SREBF2: variants seen among roughly 807,000 people sequenced by gnomAD.
SREBF2 encodes sterol regulatory element binding transcription factor 2.
SREBF2 carries 55 observed loss-of-function variants against 113.1 expected under a neutral mutation model. The observed-to-expected ratio is 0.49, with a 90% CI of 0.39 to 0.61. SREBF2 has a LOEUF of 0.61. Among genes scored for constraint, SREBF2 ranks in the 20% least tolerant of loss-of-function variants. SREBF2 has a pLI of 0.00. For missense variants in SREBF2, 1,349 were observed against 1,487.4 expected (o/e 0.91, Z 1.53); for synonymous variants, 593 against 605.7 (o/e 0.98, Z 0.31).
chr22:41,874,109 G>T (rs765828925), intron 5 of SREBF2, 90 bp downstream of exon 5: 58 of 1,361,848 alleles, frequency 4.3e-5, no homozygotes, highest in Non-Finnish European at 5.9e-5. Flanking sequence ...CCAGGCTCAA[G>T]GTAAGTGAAT....
chr22:41,895,670 G>A (rs1011191951), intron 13 of SREBF2, among the ~76,000 whole-genome samples: 1 of 143,662 alleles, frequency 7.0e-6, no homozygotes. Context: ...TCCTGATCTC[G>A]GGCAATCCGC....
At chr22:41,885,055 T>G in intron 11 of SREBF2, 44 bp downstream of exon 11, 6 of 1,609,160 alleles carry the variant, frequency 3.7e-6, no homozygotes, top group Non-Finnish European at 5.1e-6. Flanking sequence ...CCCTGAGCAC[T>G]TACCTAGCCA....
intron 3 of SREBF2, among the ~76,000 whole-genome samples, chr22:41,870,373 C>G (rs1424916920): frequency 2.0e-5 from 3 of 152,162 alleles, no homozygotes; most frequent in Admixed American, 6.5e-5. Context: ...CCTGTAATCT[C>G]AGCACTTTGG....
intron 1 of SREBF2, among the ~76,000 whole-genome samples, chr22:41,835,591 T>TGAGCCACTGTACCTGGCC (rs2076765327): frequency 6.6e-6 from 1 of 152,020 alleles, no homozygotes; most frequent in Non-Finnish European, 1.5e-5. Context: ...ATTACAGGCA[T>TGAGCCACTGTACCTGGCC]GAGCCACTGT....
At position 41,849,180 on chromosome 22, in the gene SREBF2, A is replaced by ATTAT. The variant is rs561210014; in HGVS notation, c.88+15845_88+15848dup. Among the ~76,000 whole-genome samples the ATTAT allele has an allele frequency of 9.6e-4, 146 of 151,826 alleles. 2 individuals are homozygous for ATTAT. Among genetic ancestry groups the ATTAT allele is most frequent in the Middle Eastern group, 3.4e-3 (1 of 294 alleles). ...CTTTGCATGCAGTCCTGGCAGATTT[A>ATTAT]TTATTTATTTATTTATTTATTTATT... is the stretch of plus-strand genomic sequence containing the variant. On this transcript the variant is annotated intron_variant, in intron 1 of 18. Coordinates refer to ENST00000361204, the MANE Select transcript of SREBF2 (RefSeq NM_004599.4).
intron 1 of SREBF2, among the ~76,000 whole-genome samples, chr22:41,858,627 A>G (rs2076997977): frequency 6.6e-6 from 1 of 151,994 alleles, no homozygotes; most frequent in Non-Finnish European, 1.5e-5. Context: ...GTGTGCCTGT[A>G]CTCCCAGCTA....
chr22:41,899,976 C>T, intron 15 of SREBF2: 1 of 1,207,434 alleles, frequency 8.3e-7, no homozygotes, highest in South Asian at 1.7e-5. Flanking sequence ...GGGGGGTGGT[C>T]CCTTAAAGAA....
Position 41,905,888 on chromosome 22 carries a change from A to G in SREBF2, c.*228A>G. Reference sequence around the variant, plus strand: ...GGCGTGAGAGGATAGGTGGCAGGGCAGAAACTGGGCAGCCCTGACTTGATA... The same window carrying G: ...GGCGTGAGAGGATAGGTGGCAGGGCGGAAACTGGGCAGCCCTGACTTGATA... On this transcript the variant is annotated 3_prime_UTR_variant, in exon 19 of 19. Coordinates refer to ENST00000361204, the MANE Select transcript of SREBF2 (RefSeq NM_004599.4). The G allele has an allele frequency of 1.4e-6, 1 of 694,590 alleles. No homozygotes were observed. Among genetic ancestry groups the G allele is most frequent in the East Asian group, 2.8e-5 (1 of 36,174 alleles). 43.0% of individuals were successfully genotyped at this position (694,590 alleles called of 1,614,324 possible).
chr22:41,873,778 T>C lies in SREBF2; in HGVS notation c.868-20T>C. The C allele has an allele frequency of 1.3e-6, 2 of 1,583,736 alleles. No homozygotes were observed. The highest frequency in any genetic ancestry group is 1.7e-6 in the Non-Finnish European group (2 of 1,163,644). On this transcript the variant is annotated intron_variant, in intron 4 of 18. Transcript: ENST00000361204. Reference sequence around the variant, plus strand: ...GACTAACAAAGGGATCATTCTGCTGTGTACCTGTCCCTATTCTAGACCCTG... The same window carrying C: ...GACTAACAAAGGGATCATTCTGCTGCGTACCTGTCCCTATTCTAGACCCTG...
At position 41,871,021 on chromosome 22, in the gene SREBF2, G is replaced by T. The variant is rs201466956; in HGVS notation, c.853G>T (p.Ala285Ser). 3.2e-4 allele frequency: 511 copies of T among 1,613,888 alleles called. No individual in the cohort carries two copies. Among genetic ancestry groups the T allele is most frequent in the Non-Finnish European group, 3.7e-4 (438 of 1,180,020 alleles). The change falls in exon 4 of 19, where the codon GCC becomes TCC. Residue 285 changes from alanine to serine, a missense_variant. This residue lies in a region of SREBF2 where 699 missense variants were observed against 843.3 expected (regional missense o/e 0.83). Coordinates refer to ENST00000361204, the MANE Select transcript of SREBF2 (RefSeq NM_004599.4). ...CCTCACCACCCCTATCCAGACGGCT[G>T]CCCTTCAAGTACCAGTAAGAGCTGC... ...TALTTPIQTA[A>S]LQVPTLVGSS... is the part of the protein sequence containing the mutation.
rs2077171597 is a variant in SREBF2, at chr22:41,874,163, G to A, written c.1089+144G>A. 5 of 816,714 alleles carry A rather than the reference G, an allele frequency of 6.1e-6. No homozygotes were observed. In the East Asian group the frequency reaches 1.3e-4, roughly 22 times the overall value. 50.6% of individuals were successfully genotyped at this position (816,714 alleles called of 1,614,324 possible). A position where few individuals can be genotyped will look rare whatever the true frequency, so the allele number is the denominator to read the frequency against. ...TGCTTTTTTATTAAAGCATCTTGGT[G>A]TCATGTCAAGATTATAAAATATTAA... On this transcript the variant is annotated intron_variant, in intron 5 of 18. Coordinates refer to ENST00000361204, the MANE Select transcript of SREBF2 (RefSeq NM_004599.4).
At chr22:41,887,838 A>G (rs1463218697) in intron 11 of SREBF2, among the ~76,000 whole-genome samples, 1 of 152,114 alleles carries the variant, frequency 6.6e-6, no homozygotes, top group African/African-American at 2.4e-5. Context: ...TATAATGTCA[A>G]TTTTTTTAAG....
intron 10 of SREBF2, among the ~76,000 whole-genome samples, chr22:41,884,631 A>G (rs763634890): frequency 3.3e-5 from 5 of 152,184 alleles, no homozygotes; most frequent in Non-Finnish European, 7.4e-5. Context: ...AATGGGTGCC[A>G]TGTTCCCAGC....
At chr22:41,854,590 C>T (rs185072309) in intron 1 of SREBF2, among the ~76,000 whole-genome samples, 4 of 151,512 alleles carry the variant, frequency 2.6e-5, no homozygotes, top group East Asian at 3.9e-4. Flanking sequence ...ATTTAGAATC[C>T]GGGGGTGGTG....
intron 5 of SREBF2, among the ~76,000 whole-genome samples, chr22:41,874,901 C>CT (rs2077180464): frequency 6.6e-6 from 1 of 151,416 alleles, no homozygotes; most frequent in African/African-American, 2.4e-5. Context: ...GAGTGAAACT[C>CT]TGTCTTGGAA....
At position 41,877,391 on chromosome 22, in the gene SREBF2, T is replaced by C; in HGVS notation, c.1549T>C (p.Ser517Pro). Residue 517 changes from serine to proline, a missense_variant, in exon 8 of 19, where the codon TCT (serine) becomes CCT (proline). By Grantham distance (74) the Ser-to-Pro change is moderately conservative (BLOSUM62 -1). Transcript: ENST00000361204. Reference protein sequence around the residue: ...HDSDQHPHSGSGRSVLSFESG... With the variant: ...HDSDQHPHSGPGRSVLSFESG... ...CTCTGACCAGCACCCACACTCAGGCTCTGGCCGCAGTGTCCTGTCATTCGA... is the reference window on the plus strand; with the variant it reads ...CTCTGACCAGCACCCACACTCAGGCCCTGGCCGCAGTGTCCTGTCATTCGA... The C allele has an allele frequency of 1.2e-6, 2 of 1,614,174 alleles. No homozygotes were observed. Among genetic ancestry groups the C allele is most frequent in the East Asian group, 2.2e-5 (1 of 44,886 alleles).
intron 3 of SREBF2, among the ~76,000 whole-genome samples, chr22:41,870,652 G>T (rs999307492): frequency 4.8e-5 from 5 of 104,044 alleles, no homozygotes; most frequent in South Asian, 3.1e-4. Flanking sequence ...AAAAAAAAAA[G>T]CCAGGACCCT....
chr22:41,843,467 G>A lies in SREBF2; in HGVS notation c.88+10109G>A, dbSNP rs746526718. 5.9e-5 allele frequency among the ~76,000 whole-genome samples: 9 copies of A among 152,222 alleles called. No individual in the cohort carries two copies. In the South Asian group the frequency reaches 8.3e-4, roughly 14 times the overall value. ...TTAACCTACATTCGTCTCATAATAC[G>A]TTTTTGCATGCAATCTTTTCTTCAA... On this transcript the variant is annotated intron_variant, in intron 1 of 18. Coordinates refer to ENST00000361204, the MANE Select transcript of SREBF2 (RefSeq NM_004599.4).
chr22:41,846,685 A>G (rs2076879271), intron 1 of SREBF2, among the ~76,000 whole-genome samples: 1 of 152,148 alleles, frequency 6.6e-6, no homozygotes, highest in Admixed American at 6.6e-5. Context: ...CTGGCAGGAC[A>G]TTTCCTGATA....
Sources: gnomAD v4.1 joint callset for allele counts (sites outside exome capture counted in the v4.1 genomes callset) on GRCh38, gnomAD v4.1.1 for gene constraint, gnomAD v4.1.1 regional missense constraint, MANE v1.5 for transcripts, NCBI Gene and HGNC (gene_info 2026-07-23, HGNC 2026-07-21) for gene names.